Variants in MORC1 observed in about 807,000 individuals in gnomAD.
The protein encoded by MORC1 is MORC family CW-type zinc finger 1, also known as MORC family CW-type zinc finger protein 1.
In MORC1, 59 loss-of-function variants were observed where a neutral mutation model predicts 134.9. The ratio of observed to expected loss-of-function variants is 0.44; its 90% CI spans 0.35 to 0.54. MORC1 has a LOEUF of 0.54. MORC1 is among the 20% of genes least tolerant of loss of function. MORC1 has a pLI of 0.00. For missense variants in MORC1, 947 were observed against 1,134.5 expected (o/e 0.83, Z 2.37); for synonymous variants, 395 against 391.7 (o/e 1.01, Z -0.10).
intron 8 of MORC1, among the ~76,000 whole-genome samples, chr3:109,071,300 T>C (rs1179055755): frequency 6.6e-6 from 1 of 152,132 alleles, no homozygotes; most frequent in Non-Finnish European, 1.5e-5. Context: ...TGGTGAGAGA[T>C]AAAACCAGCT....
At chr3:109,100,710 G>C (rs1243393317) in intron 4 of MORC1, among the ~76,000 whole-genome samples, 1 of 152,148 alleles carries the variant, frequency 6.6e-6, no homozygotes, top group Non-Finnish European at 1.5e-5. Flanking sequence ...GGTACGGCAG[G>C]CTCCACATTC....
Position 109,062,921 on chromosome 3 carries a change from T to A in MORC1, c.895+231A>T, listed in dbSNP as rs866145648. On this transcript the variant is annotated intron_variant, in intron 10 of 27. Coordinates refer to ENST00000232603, the MANE Select transcript of MORC1 (RefSeq NM_014429.4). Reference sequence around the variant, plus strand: ...ACAAGGTTTCTAACAAATATCAATCTAGTTTGAAGTGTGTTCAGGATCATA... The same window carrying A: ...ACAAGGTTTCTAACAAATATCAATCAAGTTTGAAGTGTGTTCAGGATCATA... Among the ~76,000 whole-genome samples the A allele has an allele frequency of 3.3e-5, 5 of 152,162 alleles. No individual in the cohort carries two copies. In the South Asian group the frequency reaches 1.0e-3, roughly 31 times the overall value.
intron 6 of MORC1, among the ~76,000 whole-genome samples, chr3:109,096,130 G>A (rs568446617): frequency 1.3e-5 from 2 of 152,244 alleles, no homozygotes; most frequent in East Asian, 1.9e-4. Flanking sequence ...AAACAAGAAC[G>A]AGATATTTTT....
At position 108,959,108 on chromosome 3, in the gene MORC1, C is replaced by T; in HGVS notation, c.2812G>A (p.Gly938Ser). 1.3e-6 allele frequency: 2 copies of T among 1,577,006 alleles called. No individual in the cohort carries two copies. The highest frequency in any genetic ancestry group is 1.7e-6 in the Non-Finnish European group (2 of 1,165,836). ...TAAGTGTCAGTCTGCTCCAGGTCAC[C>T]TTCTGGACCACCCTGGAAAAGAGAA... ...LQKLQLGGPEGDLEQTDTYLE... is the reference protein window; with the variant it reads ...LQKLQLGGPESDLEQTDTYLE... The change falls in exon 28 of 28, where the codon GGT becomes AGT. Residue 938 changes from glycine to serine, a missense_variant. Around this residue, in one of 3 missense-constraint regions of MORC1, gnomAD observed 722 missense variants for 817.0 expected, o/e 0.88. Coordinates refer to ENST00000232603, the MANE Select transcript of MORC1 (RefSeq NM_014429.4).
chr3:109,065,439 A>C (rs1950174975), intron 9 of MORC1, among the ~76,000 whole-genome samples: 1 of 152,072 alleles, frequency 6.6e-6, no homozygotes, highest in African/African-American at 2.4e-5. Flanking sequence ...CCACCATCCA[A>C]GATATCTCCT....
Position 109,114,415 on chromosome 3 carries a change from CA to C in MORC1, c.87del (p.Phe29LeufsTer44). Reference sequence around the variant, plus strand: ...TTGTCCAGCAATTCAGCCAGTGCTCCAAAAAGGAAACTGTGAGTGGTGCTGA... The same window carrying C: ...TTGTCCAGCAATTCAGCCAGTGCTCCAAAAGGAAACTGTGAGTGGTGCTGA... Reference protein sequence around the residue: ...HANSTTHSFLFGALAELLDNA... With the variant: ...HANSTTHSFLXGALAELLDNA... On this transcript the variant is annotated frameshift_variant, in exon 2 of 28. Transcript: ENST00000232603. LOFTEE classifies it high-confidence loss of function. 1 of 1,612,950 alleles carries C rather than the reference CA, an allele frequency of 6.2e-7. No individual in the cohort carries two copies. Among genetic ancestry groups the C allele is most frequent in the Non-Finnish European group, 8.5e-7 (1 of 1,179,460 alleles).
intron 17 of MORC1, among the ~76,000 whole-genome samples, chr3:109,008,513 CTGAGAG>C (rs1948604392): frequency 6.6e-6 from 1 of 151,418 alleles, no homozygotes. Context: ...TATCCCTGAG[CTGAGAG>C]TAAGTTAAAG....
At chr3:108,993,753 C>T (rs1387177708) in intron 21 of MORC1, among the ~76,000 whole-genome samples, 2 of 152,142 alleles carry the variant, frequency 1.3e-5, no homozygotes, top group Non-Finnish European at 2.9e-5. Flanking sequence ...AGGGTGAATG[C>T]AGTTGATTTA....
intron 2 of MORC1, among the ~76,000 whole-genome samples, 163 bp downstream of exon 2, chr3:109,114,221 T>C (rs1391697628): frequency 1.3e-5 from 2 of 152,240 alleles, no homozygotes; most frequent in East Asian, 3.8e-4. Flanking sequence ...ATTATTTCTC[T>C]CAACTATCCT....
chr3:109,089,541 G>A (rs1950677362), intron 8 of MORC1, among the ~76,000 whole-genome samples: 1 of 152,106 alleles, frequency 6.6e-6, no homozygotes, highest in Admixed American at 6.5e-5. Flanking sequence ...GACTGTAAAT[G>A]AAGCTTACTA....
At chr3:108,992,221 C>A (rs1361513862) in intron 21 of MORC1, among the ~76,000 whole-genome samples, 2 of 152,174 alleles carry the variant, frequency 1.3e-5, no homozygotes, top group Non-Finnish European at 2.9e-5. Context: ...AAAATGTTCT[C>A]TTCAGAGTTC....
At chr3:109,106,025 A>G (rs1465398390) in intron 3 of MORC1, among the ~76,000 whole-genome samples, 2 of 152,204 alleles carry the variant, frequency 1.3e-5, no homozygotes, top group Non-Finnish European at 2.9e-5. Flanking sequence ...TAATGAGGGG[A>G]ATCCAACCCT....
intron 22 of MORC1, among the ~76,000 whole-genome samples, chr3:108,985,574 G>T (rs572038195): frequency 6.6e-6 from 1 of 152,088 alleles, no homozygotes; most frequent in Non-Finnish European, 1.5e-5. Context: ...AAGAATGAAT[G>T]GACAGATGTT....
At chr3:108,979,795 A>C in intron 23 of MORC1, 128 bp from the exon 24 acceptor site, 1 of 930,928 alleles carries the variant, frequency 1.1e-6, no homozygotes, top group Non-Finnish European at 1.6e-6. Context: ...TAATGCCGAA[A>C]ACTGCCACCA....
intron 27 of MORC1, among the ~76,000 whole-genome samples, 153 bp downstream of exon 27, chr3:108,963,261 T>C (rs1947130165): frequency 6.6e-6 from 1 of 152,186 alleles, no homozygotes. Flanking sequence ...ACAGTTCATT[T>C]ATTTATGATT....
At chr3:108,976,391 A>G (rs908880066) in intron 24 of MORC1, among the ~76,000 whole-genome samples, 1 of 152,218 alleles carries the variant, frequency 6.6e-6, no homozygotes, top group Non-Finnish European at 1.5e-5. Flanking sequence ...TTTACATTGT[A>G]CACAGCTGAC....
chr3:109,002,810 A>G (rs916625876), intron 20 of MORC1, among the ~76,000 whole-genome samples: 17 of 152,292 alleles, frequency 1.1e-4, no homozygotes, highest in African/African-American at 3.8e-4. Context: ...CTTATAGGAT[A>G]AATGCAAAAC....
rs116487446 is a variant in MORC1 at position 109,005,029 on chromosome 3, A to C, written c.2013+41T>G. 1,586 of 1,585,940 alleles carry C rather than the reference A, an allele frequency of 1.0e-3. 24 individuals are homozygous for C. The African/African-American group carries it at 0.019, about 19-fold the overall frequency. The stretch of plus-strand genomic sequence containing the variant: ...AACCTTGACTGAATGCTATTTCCAG[A>C]ATGAGTGAATTGTTTTGTGAATAAG... On this transcript the variant is annotated intron_variant, in intron 19 of 27. Coordinates refer to ENST00000232603, the MANE Select transcript of MORC1 (RefSeq NM_014429.4).
At chr3:109,012,641 G>GT (rs1477808519) in intron 17 of MORC1, among the ~76,000 whole-genome samples, 1 of 152,058 alleles carries the variant, frequency 6.6e-6, no homozygotes, top group Non-Finnish European at 1.5e-5. Context: ...TTTCGTCAAC[G>GT]TTATCTGTAA....
Sources: allele counts gnomAD v4.1 joint callset (sites outside exome capture counted in the v4.1 genomes callset), GRCh38; gene constraint gnomAD v4.1.1; regional missense constraint gnomAD v4.1.1; transcripts MANE v1.5; gene names NCBI Gene and HGNC (gene_info 2026-07-23, HGNC 2026-07-21).